Variants in SPG11 observed in about 807,000 individuals in gnomAD.
SPG11 encodes the protein spatacsin.
In SPG11, 222 loss-of-function variants were observed where a neutral mutation model predicts 274.0. The observed-to-expected ratio is 0.81, with a 90% CI of 0.73 to 0.91. SPG11 has a LOEUF of 0.91. Among genes scored for constraint, SPG11 ranks in the 40% least tolerant of loss-of-function variants. SPG11 has a pLI of 0.00. For synonymous variants in SPG11, 1,144 were observed against 1,039.7 expected (o/e 1.10, Z -1.93); for missense variants, 3,114 against 2,872.7 (o/e 1.08, Z -1.92).
At chr15:44,563,832 T>C (rs2082250583) in intron 39 of SPG11, among the ~76,000 whole-genome samples, 1 of 152,214 alleles carries the variant, frequency 6.6e-6, no homozygotes, top group African/African-American at 2.4e-5. Flanking sequence ...AGCTCTGAAG[T>C]ACCACTTACT....
chr15:44,565,785 G>T, intron 38 of SPG11, 69 bp downstream of exon 38: 1 of 1,592,818 alleles, frequency 6.3e-7, no homozygotes. Context: ...CTTACCTCTG[G>T]GTTCCATGAG....
At position 44,608,565 on chromosome 15, in the gene SPG11, A is replaced by AAGGC; in HGVS notation, c.3331_3332insGCCT (p.Val1111GlyfsTer29). On this transcript the variant is annotated frameshift_variant, in exon 19 of 40. Transcript: ENST00000261866. LOFTEE classifies it high-confidence loss of function. Reference sequence around the variant, plus strand: ...TGCCATCTTCAATAGCTGGGGATCCACTTTCTTCAAACAGTTTTCATTTTC... The same window carrying AAGGC: ...TGCCATCTTCAATAGCTGGGGATCCAAGGCCTTTCTTCAAACAGTTTTCATTTTC... 1.2e-6 allele frequency: 2 copies of AAGGC among 1,614,114 alleles called. No homozygotes were observed. The highest frequency in any genetic ancestry group is 8.5e-7 in the Non-Finnish European group (1 of 1,180,004).
intron 28 of SPG11, among the ~76,000 whole-genome samples, chr15:44,586,425 C>T (rs562422191): frequency 1.3e-5 from 2 of 151,924 alleles, no homozygotes; most frequent in South Asian, 4.2e-4. Context: ...GTGGGTGGAT[C>T]ACTTGAGGTC....
rs367833399 is a variant in SPG11 at position 44,563,156 on chromosome 15, T to C, written c.7297A>G (p.Thr2433Ala). Reference sequence around the variant, plus strand: ...AGCATGTCCTTTAGACAGCAACCTGTCTGAGGGTCCTTCAGAAGCACATTT... The same window carrying C: ...AGCATGTCCTTTAGACAGCAACCTGCCTGAGGGTCCTTCAGAAGCACATTT... ...IVNVLLKDPQ[T>A]GCCLKDMLAG Residue 2433 changes from threonine to alanine, a missense_variant, in exon 40 of 40, where the codon ACA (threonine) becomes GCA (alanine). By Grantham distance (58) the Thr-to-Ala change is moderately conservative (BLOSUM62 0). Coordinates refer to ENST00000261866, the MANE Select transcript of SPG11 (RefSeq NM_025137.4). 1 of 1,614,184 alleles carries C rather than the reference T, an allele frequency of 6.2e-7. No homozygotes were observed. Among genetic ancestry groups the C allele is most frequent in the Non-Finnish European group, 8.5e-7 (1 of 1,180,028 alleles).
rs374874720 is a variant in SPG11 at position 44,645,922 on chromosome 15, G to A, written c.1602+2944C>T. On this transcript the variant is annotated intron_variant, in intron 7 of 39. Coordinates refer to ENST00000261866, the MANE Select transcript of SPG11 (RefSeq NM_025137.4). ...CATTAGGGAAATGCAAATCAAAATC[G>A]CAATGAGATACCATCTCACACCAGT... Among the ~76,000 whole-genome samples the A allele has an allele frequency of 9.9e-5, 15 of 151,998 alleles. 1 individual carries two copies. Among genetic ancestry groups the A allele is most frequent in the Admixed American group, 3.9e-4 (6 of 15,252 alleles).
At chr15:44,621,609 G>T (rs2083752881) in intron 14 of SPG11, 150 bp downstream of exon 14, 2 of 749,988 alleles carry the variant, frequency 2.7e-6, no homozygotes, top group Admixed American at 2.2e-5. Context: ...ATAAGAAAGA[G>T]ATCTTAATGC....
chr15:44,651,420 G>T, intron 6 of SPG11, 71 bp downstream of exon 6: 1 of 1,366,122 alleles, frequency 7.3e-7, no homozygotes, highest in Non-Finnish European at 1.0e-6. Context: ...AGGCACTGAG[G>T]CAGAAGTAAA....
At chr15:44,606,254 A>G in intron 19 of SPG11, 163 bp from the exon 20 acceptor site, 3 of 608,352 alleles carry the variant, frequency 4.9e-6, no homozygotes, top group Non-Finnish European at 8.8e-6. Context: ...AAAATAAAAT[A>G]GAATTATGAC....
chr15:44,607,915 C>A (rs1555453205), intron 19 of SPG11, among the ~76,000 whole-genome samples: 1 of 152,152 alleles, frequency 6.6e-6, no homozygotes, highest in Non-Finnish European at 1.5e-5. Flanking sequence ...ATGAAAACAG[C>A]AGACAGGTAT....
intron 20 of SPG11, 124 bp downstream of exon 20, chr15:44,605,901 C>T: frequency 1.2e-6 from 1 of 852,364 alleles, no homozygotes; most frequent in Non-Finnish European, 1.9e-6. Flanking sequence ...ACTATTTTTC[C>T]TTTGGAATAC....
chr15:44,661,611 A>G (rs2085109541), intron 1 of SPG11, among the ~76,000 whole-genome samples: 1 of 152,002 alleles, frequency 6.6e-6, no homozygotes, highest in Admixed American at 6.6e-5. Flanking sequence ...ATATGTCCTT[A>G]TTAGGTAAAA....
chr15:44,626,131 A>T (rs375397245), intron 11 of SPG11, among the ~76,000 whole-genome samples, 200 bp downstream of exon 11: 2 of 150,982 alleles, frequency 1.3e-5, no homozygotes, highest in African/African-American at 4.9e-5. Flanking sequence ...TCTTGCCTCA[A>T]CCTCCCAAAG....
intron 2 of SPG11, among the ~76,000 whole-genome samples, chr15:44,660,033 C>G (rs2085058873): frequency 6.6e-6 from 1 of 151,920 alleles, no homozygotes. Flanking sequence ...TGCACTCCAG[C>G]CTGGGTGACA....
chr15:44,579,362 T>TG (rs1419319221), intron 30 of SPG11, among the ~76,000 whole-genome samples: 1 of 150,352 alleles, frequency 6.7e-6, no homozygotes, highest in Non-Finnish European at 1.5e-5. Flanking sequence ...CCATCTCTAC[T>TG]AAAAATACAC....
chr15:44,642,902 G>C (rs2084495262), intron 7 of SPG11, among the ~76,000 whole-genome samples: 1 of 152,048 alleles, frequency 6.6e-6, no homozygotes, highest in Non-Finnish European at 1.5e-5. Context: ...TTTCAGAAGA[G>C]TGGTTAATTC....
chr15:44,639,338 G>A (rs2084374151), intron 7 of SPG11, among the ~76,000 whole-genome samples: 1 of 151,710 alleles, frequency 6.6e-6, no homozygotes, highest in African/African-American at 2.4e-5. Flanking sequence ...GAGCGTGTGT[G>A]CTCTACTCAG....
intron 15 of SPG11, among the ~76,000 whole-genome samples, chr15:44,617,285 C>T (rs2083613104): frequency 6.6e-6 from 1 of 152,204 alleles, no homozygotes; most frequent in Non-Finnish European, 1.5e-5. Flanking sequence ...AAGCATATAT[C>T]CTACTACTCC....
chr15:44,585,606 A>T, intron 29 of SPG11, 30 bp downstream of exon 29: 1 of 1,183,664 alleles, frequency 8.4e-7, no homozygotes, highest in Non-Finnish European at 1.1e-6. Flanking sequence ...CGTATCTAAA[A>T]AAAAAAAAAA....
chr15:44,658,975 C>T (rs537477141), intron 3 of SPG11, 104 bp downstream of exon 3: 22 of 1,036,166 alleles, frequency 2.1e-5, no homozygotes, highest in East Asian at 9.5e-5. Context: ...AAACTAACCA[C>T]ACTTCCTATA....
Sources: allele counts gnomAD v4.1 joint callset (sites outside exome capture counted in the v4.1 genomes callset), GRCh38; gene constraint gnomAD v4.1.1; transcripts MANE v1.5; gene names NCBI Gene and HGNC (gene_info 2026-07-23, HGNC 2026-07-21).